ARHGAP15: variants seen among roughly 807,000 people sequenced by gnomAD.
ARHGAP15 encodes the protein Rho GTPase activating protein 15, also known as rho GTPase-activating protein 15.
Under a neutral mutation model 63.7 loss-of-function variants are expected in ARHGAP15, and 51 were observed. That is an observed-to-expected ratio of 0.80 (90% CI 0.64 to 1.01). The LOEUF (loss-of-function observed/expected upper bound fraction) is 1.01. ARHGAP15 is among the 50% of genes least tolerant of loss of function. The pLI is 0.00. For synonymous variants in ARHGAP15, 191 were observed against 193.8 expected (o/e 0.99, Z 0.12); for missense variants, 560 against 564.6 (o/e 0.99, Z 0.08).
chr2:143,707,535 T>C (rs1208478195), intron 13 of ARHGAP15, among the ~76,000 whole-genome samples: 1 of 152,238 alleles, frequency 6.6e-6, no homozygotes. Context: ...CTCTATATGC[T>C]GCTGGTTGGG....
At chr2:143,217,457 G>T (rs1292077811) in intron 4 of ARHGAP15, among the ~76,000 whole-genome samples, 1 of 152,118 alleles carries the variant, frequency 6.6e-6, no homozygotes, top group Admixed American at 6.5e-5. Context: ...TAGTGAACAA[G>T]GCCTTAAATC....
At chr2:143,449,922 T>TA (rs1690328023) in intron 8 of ARHGAP15, among the ~76,000 whole-genome samples, 1 of 151,980 alleles carries the variant, frequency 6.6e-6, no homozygotes, top group African/African-American at 2.4e-5. Context: ...TCCAGTCTTT[T>TA]AAAAATGTTT....
chr2:143,506,576 C>A (rs567880872), intron 9 of ARHGAP15, among the ~76,000 whole-genome samples: 1 of 152,260 alleles, frequency 6.6e-6, no homozygotes, highest in Admixed American at 6.5e-5. Context: ...AATTGTATTA[C>A]CCTTCCCTTC....
intron 12 of ARHGAP15, among the ~76,000 whole-genome samples, chr2:143,689,739 A>T (rs1201099081): frequency 6.6e-6 from 1 of 152,198 alleles, no homozygotes; most frequent in African/African-American, 2.4e-5. Context: ...AAAGCATTAG[A>T]ATTCCAAGAA....
chr2:143,319,191 T>C (rs1683877787), intron 6 of ARHGAP15, among the ~76,000 whole-genome samples: 1 of 151,952 alleles, frequency 6.6e-6, no homozygotes, highest in Non-Finnish European at 1.5e-5. Context: ...CACTCCCCTC[T>C]TGTGCATGGC....
At chr2:143,384,924 C>CT (rs999849460) in intron 6 of ARHGAP15, among the ~76,000 whole-genome samples, 8 of 152,280 alleles carry the variant, frequency 5.3e-5, no homozygotes, top group African/African-American at 1.7e-4. Context: ...AATATCTTTA[C>CT]TTTGGAACAC....
chr2:143,606,735 C>G (rs1010815489), intron 11 of ARHGAP15: 1 of 152,164 alleles, frequency 6.6e-6, no homozygotes, highest in African/African-American at 2.4e-5. Flanking sequence ...AAGGTGTACA[C>G]TTTCCTCAAG....
chr2:143,158,005 A>G (rs1482606588), intron 2 of ARHGAP15, among the ~76,000 whole-genome samples: 2 of 151,840 alleles, frequency 1.3e-5, no homozygotes, highest in African/African-American at 4.8e-5. Flanking sequence ...TTTAGAGATC[A>G]TACATATGTC....
intron 11 of ARHGAP15, among the ~76,000 whole-genome samples, chr2:143,592,070 C>T (rs1697343362): frequency 6.6e-6 from 1 of 152,038 alleles, no homozygotes; most frequent in Non-Finnish European, 1.5e-5. Flanking sequence ...GATAATATGC[C>T]CTTTCTGAAT....
chr2:143,600,424 A>G (rs913368750), intron 11 of ARHGAP15, among the ~76,000 whole-genome samples: 1 of 152,186 alleles, frequency 6.6e-6, no homozygotes, highest in African/African-American at 2.4e-5. Flanking sequence ...CATATCATAT[A>G]TAACTCAGTA....
At chr2:143,548,779 AAAG>A (rs1695435829) in intron 10 of ARHGAP15, among the ~76,000 whole-genome samples, 1 of 151,870 alleles carries the variant, frequency 6.6e-6, no homozygotes, top group South Asian at 2.1e-4. Context: ...ATGACATTAA[AAAG>A]AAAAACTTGT....
At chr2:143,220,722 A>G (rs886961478) in intron 4 of ARHGAP15, among the ~76,000 whole-genome samples, 1 of 152,234 alleles carries the variant, frequency 6.6e-6, no homozygotes, top group Non-Finnish European at 1.5e-5. Context: ...CTAATAAATA[A>G]TATAACATAC....
chr2:143,662,064 C>T (rs1426035557), intron 12 of ARHGAP15, among the ~76,000 whole-genome samples: 1 of 152,226 alleles, frequency 6.6e-6, no homozygotes, highest in African/African-American at 2.4e-5. Context: ...GGGTGGAGCC[C>T]ACCACAGCTC....
At chr2:143,672,937 A>G (rs1682601631) in intron 12 of ARHGAP15, among the ~76,000 whole-genome samples, 1 of 152,206 alleles carries the variant, frequency 6.6e-6, no homozygotes, top group Admixed American at 6.5e-5. Flanking sequence ...ACTTCTCTCC[A>G]TAATAGAGTG....
intron 12 of ARHGAP15, among the ~76,000 whole-genome samples, chr2:143,687,484 T>G (rs562656159): frequency 6.6e-6 from 1 of 152,318 alleles, no homozygotes; most frequent in Admixed American, 6.5e-5. Flanking sequence ...ACTGCAAATA[T>G]ATAGTCTAAA....
At chr2:143,543,261 A>T (rs993436630) in intron 10 of ARHGAP15, among the ~76,000 whole-genome samples, 4 of 152,094 alleles carry the variant, frequency 2.6e-5, no homozygotes. Context: ...GTGATATCTC[A>T]TTATTGTTTT....
chr2:143,728,712 G>A (rs1322659479), intron 13 of ARHGAP15, among the ~76,000 whole-genome samples: 1 of 152,084 alleles, frequency 6.6e-6, no homozygotes, highest in Non-Finnish European at 1.5e-5. Context: ...TACAGTAAGT[G>A]TTACCACAGT....
At chr2:143,677,404 T>A (rs1461329776) in intron 12 of ARHGAP15, among the ~76,000 whole-genome samples, 1 of 152,208 alleles carries the variant, frequency 6.6e-6, no homozygotes, top group Non-Finnish European at 1.5e-5. Context: ...CATACGGCTT[T>A]TCTGGATTTT....
chr2:143,234,527 A>G (rs1693565940), intron 5 of ARHGAP15, among the ~76,000 whole-genome samples: 1 of 152,216 alleles, frequency 6.6e-6, no homozygotes, highest in Non-Finnish European at 1.5e-5. Context: ...ATCTAAATTA[A>G]CAGTATAAAA....
Sources: allele counts gnomAD v4.1 joint callset (sites outside exome capture counted in the v4.1 genomes callset), GRCh38; gene constraint gnomAD v4.1.1; transcripts MANE v1.5; gene names NCBI Gene and HGNC (gene_info 2026-07-23, HGNC 2026-07-21).